The following FSTL5 variants were observed in gnomAD, a reference collection of about 807,000 sequenced individuals.
FSTL5 encodes follistatin-related protein 5.
Under a neutral mutation model 89.1 loss-of-function variants are expected in FSTL5, and 62 were observed. The ratio of observed to expected loss-of-function variants is 0.70; its 90% CI spans 0.57 to 0.86. The LOEUF (loss-of-function observed/expected upper bound fraction) is 0.86, where lower values mean the gene tolerates loss of function less well. Among genes scored for constraint, FSTL5 ranks in the 40% least tolerant of loss-of-function variants. The probability of loss-of-function intolerance (pLI) is 0.00; values close to 1 mark genes in which losing one functional copy is unlikely to be tolerated. For synonymous variants in FSTL5, 383 were observed against 346.2 expected (o/e 1.11, Z -1.18); for missense variants, 1,057 against 1,001.6 (o/e 1.06, Z -0.75).
chr4:161,633,298 T>C (rs1450845306), intron 7 of FSTL5, among the ~76,000 whole-genome samples: 1 of 132,808 alleles, frequency 7.5e-6, no homozygotes, highest in Non-Finnish European at 1.5e-5. Context: ...CTTTTTATTA[T>C]TATTATTATT....
chr4:161,718,910 A>T (rs1739097130), intron 6 of FSTL5, among the ~76,000 whole-genome samples: 2 of 152,216 alleles, frequency 1.3e-5, no homozygotes, highest in Non-Finnish European at 2.9e-5. Context: ...ACTAACACAG[A>T]TATTTACTTG....
intron 4 of FSTL5, among the ~76,000 whole-genome samples, chr4:161,897,301 G>T (rs879865580): frequency 6.6e-6 from 1 of 151,486 alleles, no homozygotes; most frequent in Non-Finnish European, 1.5e-5. Context: ...GTATATTTTT[G>T]AAAGTAATTC....
intron 2 of FSTL5, among the ~76,000 whole-genome samples, chr4:162,075,238 G>A (rs1169632558): frequency 6.6e-6 from 1 of 151,796 alleles, no homozygotes; most frequent in Non-Finnish European, 1.5e-5. Flanking sequence ...TGATTGGATA[G>A]ACAGAGGGTA....
intron 4 of FSTL5, among the ~76,000 whole-genome samples, chr4:161,913,751 T>G (rs1733762896): frequency 6.6e-6 from 1 of 152,188 alleles, no homozygotes; most frequent in Non-Finnish European, 1.5e-5. Flanking sequence ...GAAATTTGAC[T>G]GCCCTGCGGG....
chr4:162,081,041 T>C (rs1440708680), intron 2 of FSTL5, among the ~76,000 whole-genome samples: 3 of 151,658 alleles, frequency 2.0e-5, no homozygotes, highest in Admixed American at 6.6e-5. Flanking sequence ...AATAGACCAT[T>C]CAGTTAACTA....
intron 6 of FSTL5, among the ~76,000 whole-genome samples, chr4:161,724,152 GT>G (rs1360843497): frequency 2.0e-5 from 3 of 152,026 alleles, no homozygotes; most frequent in African/African-American, 7.2e-5. Context: ...AATAAATAAT[GT>G]TGAGGAAAAA....
chr4:161,648,875 T>C (rs939031515), intron 7 of FSTL5, among the ~76,000 whole-genome samples: 1 of 152,184 alleles, frequency 6.6e-6, no homozygotes, highest in Non-Finnish European at 1.5e-5. Flanking sequence ...CAGATACTAA[T>C]TGGCTCCTGA....
chr4:161,845,645 A>G (rs1374723704), intron 4 of FSTL5, among the ~76,000 whole-genome samples: 1 of 152,152 alleles, frequency 6.6e-6, no homozygotes, highest in Non-Finnish European at 1.5e-5. Flanking sequence ...ACATCTTTAG[A>G]TTTTCATTTG....
At chr4:161,698,882 G>A (rs958303025) in intron 6 of FSTL5, among the ~76,000 whole-genome samples, 1 of 152,076 alleles carries the variant, frequency 6.6e-6, no homozygotes, top group African/African-American at 2.4e-5. Context: ...CCCGGGAGGC[G>A]GAGGTTGCAG....
chr4:161,393,697 G>A (rs1173277694), intron 15 of FSTL5, among the ~76,000 whole-genome samples: 2 of 152,140 alleles, frequency 1.3e-5, no homozygotes, highest in African/African-American at 4.8e-5. Flanking sequence ...AGGGTAATGC[G>A]GTAATATGAG....
At chr4:161,719,280 T>C (rs192745177) in intron 6 of FSTL5, among the ~76,000 whole-genome samples, 13 of 152,338 alleles carry the variant, frequency 8.5e-5, no homozygotes, top group African/African-American at 3.1e-4. Context: ...CTGAGATCTC[T>C]ATTTTATTTA....
chr4:161,718,258 T>C (rs905724229), intron 6 of FSTL5, among the ~76,000 whole-genome samples: 1 of 152,170 alleles, frequency 6.6e-6, no homozygotes, highest in Non-Finnish European at 1.5e-5. Context: ...GTCTAAGAGA[T>C]AGCTTTATAT....
chr4:162,144,708 A>T (rs1436416840), intron 1 of FSTL5, among the ~76,000 whole-genome samples: 1 of 152,182 alleles, frequency 6.6e-6, no homozygotes, highest in Non-Finnish European at 1.5e-5. Context: ...GCAGTAAGAT[A>T]CCAATACAGA....
At chr4:161,943,745 TG>T (rs1734659794) in intron 3 of FSTL5, among the ~76,000 whole-genome samples, 1 of 151,366 alleles carries the variant, frequency 6.6e-6, no homozygotes, top group African/African-American at 2.4e-5. Context: ...TTAGTAGAGA[TG>T]GGGTTTCACC....
intron 10 of FSTL5, among the ~76,000 whole-genome samples, chr4:161,536,807 T>G (rs1731634451): frequency 6.6e-6 from 1 of 152,112 alleles, no homozygotes; most frequent in South Asian, 2.1e-4. Flanking sequence ...TTAAAATAAA[T>G]TAAGAATATA....
chr4:161,607,471 ATC>A (rs1734494201), intron 7 of FSTL5, among the ~76,000 whole-genome samples: 1 of 152,102 alleles, frequency 6.6e-6, no homozygotes. Context: ...TATTTATGTT[ATC>A]TGTCTGTTTC....
intron 7 of FSTL5, among the ~76,000 whole-genome samples, chr4:161,641,143 T>C (rs1176351925): frequency 6.6e-6 from 1 of 152,128 alleles, no homozygotes; most frequent in Non-Finnish European, 1.5e-5. Context: ...CTGCTAGAAA[T>C]ACCTAAGGGA....
At chr4:162,040,398 G>C (rs1293947254) in intron 2 of FSTL5, among the ~76,000 whole-genome samples, 1 of 151,934 alleles carries the variant, frequency 6.6e-6, no homozygotes, top group Admixed American at 6.6e-5. Flanking sequence ...TCTGACACAT[G>C]AATACTCATG....
At chr4:162,006,880 A>C (rs1196793634) in intron 3 of FSTL5, among the ~76,000 whole-genome samples, 1 of 152,000 alleles carries the variant, frequency 6.6e-6, no homozygotes, top group East Asian at 1.9e-4. Context: ...GGTTTTGGAG[A>C]GGAATTGCTC....
Sources: gnomAD v4.1 joint callset for allele counts (sites outside exome capture counted in the v4.1 genomes callset) on GRCh38, gnomAD v4.1.1 for gene constraint, MANE v1.5 for transcripts, NCBI Gene and HGNC (gene_info 2026-07-23, HGNC 2026-07-21) for gene names.